Variants in NWD1 observed in about 807,000 individuals in gnomAD.
NWD1 encodes NACHT domain- and WD repeat-containing protein 1.
In NWD1, 129 loss-of-function variants were observed where a neutral mutation model predicts 135.1. The ratio of observed to expected loss-of-function variants is 0.96; its 90% CI spans 0.83 to 1.11. The LOEUF is 1.11. Among genes scored for constraint, NWD1 ranks in the 50% least tolerant of loss-of-function variants. The pLI is 0.00. For missense variants in NWD1, 1,740 were observed against 1,851.3 expected, an observed-to-expected ratio of 0.94 and a Z score of 1.10; for synonymous variants, 773 against 786.0, an observed-to-expected ratio of 0.98 and a Z score of 0.28.
intron 10 of NWD1, among the ~76,000 whole-genome samples, chr19:16,770,197 C>T (rs949802669): frequency 2.0e-5 from 3 of 152,184 alleles, no homozygotes; most frequent in Non-Finnish European, 4.4e-5. Flanking sequence ...ATAATCCCCA[C>T]ACATTGAGGG....
intron 5 of NWD1, among the ~76,000 whole-genome samples, chr19:16,748,640 A>G (rs998712920): frequency 1.3e-5 from 2 of 152,038 alleles, no homozygotes; most frequent in African/African-American, 4.8e-5. Context: ...CTTGGGCAAC[A>G]TAGTAAGACC....
chr19:16,770,674 C>G (rs1969384609), intron 10 of NWD1, among the ~76,000 whole-genome samples: 1 of 152,116 alleles, frequency 6.6e-6, no homozygotes, highest in South Asian at 2.1e-4. Context: ...GAGTGACCAT[C>G]CCACCTAGGG....
intron 17 of NWD1, among the ~76,000 whole-genome samples, chr19:16,804,621 T>A (rs1970698591): frequency 6.6e-6 from 1 of 151,640 alleles, no homozygotes; most frequent in African/African-American, 2.4e-5. Flanking sequence ...AAAGAAAGAA[T>A]AGAAATTTGT....
chr19:16,725,371 G>C (rs1021397938), intron 2 of NWD1, among the ~76,000 whole-genome samples: 1 of 150,852 alleles, frequency 6.6e-6, no homozygotes, highest in Non-Finnish European at 1.5e-5. Flanking sequence ...CCAGCTACTT[G>C]GGAGGCTGAG....
intron 8 of NWD1, 25 bp downstream of exon 8, chr19:16,762,163 C>T (rs1383832597): frequency 1.2e-6 from 2 of 1,604,242 alleles, no homozygotes; most frequent in South Asian, 1.1e-5. Flanking sequence ...ACCCCCATTC[C>T]CCACCTGCAA....
At chr19:16,735,847 A>ATTTTCC (rs1967782889) in intron 3 of NWD1, among the ~76,000 whole-genome samples, 2 of 50,846 alleles carry the variant, frequency 3.9e-5, no homozygotes, top group Non-Finnish European at 8.7e-5. Flanking sequence ...GGAAGGAAGG[A>ATTTTCC]AGGAAGGAAG....
chr19:16,758,073 G>C (rs773846), intron 6 of NWD1, among the ~76,000 whole-genome samples: 71,527 of 150,616 alleles, frequency 0.47, 19,258 homozygotes, highest in African/African-American at 0.73. Flanking sequence ...AAGAATTTTG[G>C]AAAGAGTACA....
chr19:16,773,248 G>A lies in NWD1; in HGVS notation c.2533G>A (p.Val845Met). The change falls in exon 11 of 19, where the codon GTG becomes ATG. Residue 845 changes from valine (V) to methionine (M), a missense_variant. Transcript: ENST00000524140. The stretch of plus-strand genomic sequence containing the variant: ...CTGGTTCCAGTTGTGCGCACACCCT[G>A]TGCTGGTGCCCCTCGGAGGATTCCT... ...QSWFQLCAHP[V>M]LVPLGGFLQP... is the part of the protein sequence containing the mutation. 6.2e-7 allele frequency: 1 copy of A among 1,613,690 alleles called. No homozygotes were observed. The highest frequency in any genetic ancestry group is 2.2e-5 in the East Asian group (1 of 44,872).
chr19:16,799,599 C>T (rs573028908), intron 16 of NWD1, among the ~76,000 whole-genome samples: 16 of 152,190 alleles, frequency 1.1e-4, no homozygotes, highest in East Asian at 7.7e-4. Context: ...CTCCACCTCC[C>T]GGGTTCAAGC....
chr19:16,767,983 T>C (rs1179621437), intron 10 of NWD1, among the ~76,000 whole-genome samples: 1 of 48,598 alleles, frequency 2.1e-5, no homozygotes, highest in African/African-American at 9.5e-5. Context: ...ATTTCCTTCC[T>C]TTTTTTTTTT....
intron 16 of NWD1, among the ~76,000 whole-genome samples, 172 bp from the exon 17 acceptor site, chr19:16,799,714 G>A (rs543105295): frequency 6.6e-6 from 1 of 151,916 alleles, no homozygotes; most frequent in African/African-American, 2.4e-5. Flanking sequence ...CTCCATGTTG[G>A]TCAGGCTGGT....
chr19:16,796,225 C>T (rs1970413039), intron 15 of NWD1, among the ~76,000 whole-genome samples: 1 of 151,994 alleles, frequency 6.6e-6, no homozygotes, highest in Admixed American at 6.6e-5. Flanking sequence ...TGGGCCATCA[C>T]CTGAGATCAG....
Position 16,762,129 on chromosome 19 carries a change from G to A in NWD1, c.2124G>A (p.Leu708=), listed in dbSNP as rs773852. The A allele has an allele frequency of 0.38, 616,064 of 1,611,540 alleles. 121,874 individuals carry two copies. Among genetic ancestry groups the A allele is most frequent in the African/African-American group, 0.58 (43,391 of 74,804 alleles). ...TLPLVGKPLN[L]DRKVAPQPLW... ...CACTTGTGGGGAAACCACTGAACTT[G>A]GACCGAAAGGTGAGGTACCTGGGAC... Residue 708 remains leucine (L), a synonymous_variant, in exon 8 of 19, where the codon TTG becomes TTA. Transcript: ENST00000524140.
At chr19:16,751,048 C>T (rs1048199503) in intron 6 of NWD1, among the ~76,000 whole-genome samples, 3 of 151,252 alleles carry the variant, frequency 2.0e-5, no homozygotes, top group Admixed American at 6.6e-5. Context: ...CATGGAGAAA[C>T]TCTGTCTCCA....
intron 13 of NWD1, among the ~76,000 whole-genome samples, chr19:16,791,037 G>A (rs1970225877): frequency 6.6e-6 from 1 of 151,972 alleles, no homozygotes; most frequent in South Asian, 2.1e-4. Flanking sequence ...CTCAGGAGCA[G>A]CCTGGGCAAC....
intron 2 of NWD1, among the ~76,000 whole-genome samples, chr19:16,729,274 C>A (rs1354127969): frequency 6.6e-6 from 1 of 152,200 alleles, no homozygotes; most frequent in African/African-American, 2.4e-5. Flanking sequence ...GGACCCTGCT[C>A]ACCTCCCCAA....
intron 6 of NWD1, 106 bp from the exon 7 acceptor site, chr19:16,759,119 C>A: frequency 1.1e-6 from 1 of 875,254 alleles, no homozygotes; most frequent in Admixed American, 1.8e-5. Context: ...AGGTGATGTG[C>A]TGGACACCGC....
intron 1 of NWD1, among the ~76,000 whole-genome samples, chr19:16,720,507 G>T (rs906724578): frequency 2.6e-5 from 4 of 152,100 alleles, no homozygotes; most frequent in Admixed American, 2.0e-4. Flanking sequence ...AGACTAGGGG[G>T]TTCTCGAGTA....
intron 15 of NWD1, 69 bp downstream of exon 15, chr19:16,794,622 C>T (rs2123069592): frequency 1.8e-6 from 2 of 1,088,716 alleles, no homozygotes; most frequent in Non-Finnish European, 2.8e-6. Context: ...GGGGGTGGGG[C>T]TTGGGAACAG....
Sources: allele counts gnomAD v4.1 joint callset (sites outside exome capture counted in the v4.1 genomes callset), GRCh38; gene constraint gnomAD v4.1.1; transcripts MANE v1.5; gene names NCBI Gene and HGNC (gene_info 2026-07-23, HGNC 2026-07-21).